MYO1G: variants seen among roughly 807,000 people sequenced by gnomAD.
MYO1G encodes the protein myosin IG.
MYO1G carries 65 observed loss-of-function variants against 115.3 expected under a neutral mutation model. The observed-to-expected ratio is 0.56, with a 90% CI of 0.46 to 0.69. The LOEUF is 0.69. Among genes scored for constraint, MYO1G ranks in the 30% least tolerant of loss-of-function variants. The probability of loss-of-function intolerance (pLI) is 0.00; values close to 1 mark genes in which losing one functional copy is unlikely to be tolerated. For missense variants in MYO1G, 1,204 were observed against 1,393.5 expected (o/e 0.86, Z 2.16); for synonymous variants, 510 against 552.6 (o/e 0.92, Z 1.08).
Position 44,969,318 on chromosome 7 carries a change from G to T in MYO1G, c.1574+95C>A. 1 of 1,250,720 alleles carries T rather than the reference G, an allele frequency of 8.0e-7. No homozygotes were observed. The highest frequency in any genetic ancestry group is 1.2e-6 in the Non-Finnish European group (1 of 852,422). The allele number at this position is 1,250,720 out of a possible 1,614,324, so 77.5% of individuals were successfully genotyped here. A position where few individuals can be genotyped will look rare whatever the true frequency, so the allele number is the denominator to read the frequency against. The stretch of plus-strand genomic sequence containing the variant: ...GGTGGCAGAAGTGGCCATAACACCT[G>T]TCTCCGAGCCACTCCCCTGAAGCGC... On this transcript the variant is annotated intron_variant, in intron 12 of 21. Transcript: ENST00000258787. The surrounding 1 kb of genome is among the most constrained non-coding windows in gnomAD (Gnocchi z 5.0).
rs1395763525 is a variant in MYO1G, at chr7:44,964,387, C to G, written c.2631+28G>C. The G allele has an allele frequency of 6.3e-7, 1 of 1,595,168 alleles. No homozygotes were observed. Among genetic ancestry groups the G allele is most frequent in the Non-Finnish European group, 8.6e-7 (1 of 1,163,028 alleles). ...ACGTGGCTAGAAAAAGAGCACAGCCCTGAAGCCATCCTTGTCCCTTGTCTA... is the reference window on the plus strand; with the variant it reads ...ACGTGGCTAGAAAAAGAGCACAGCCGTGAAGCCATCCTTGTCCCTTGTCTA... On this transcript the variant is annotated intron_variant, in intron 19 of 21. Coordinates refer to ENST00000258787, the MANE Select transcript of MYO1G (RefSeq NM_033054.3). The surrounding 1 kb of genome is among the most constrained non-coding windows in gnomAD (Gnocchi z 5.1).
intron 6 of MYO1G, 128 bp from the exon 7 acceptor site, chr7:44,971,917 T>A: frequency 1.3e-6 from 1 of 775,554 alleles, no homozygotes; most frequent in South Asian, 1.7e-5. Context: ...TGAACCTGAT[T>A]ACTCCAGCCT....
At chr7:44,965,207 A>G in intron 17 of MYO1G, 118 bp from the exon 18 acceptor site, 1 of 1,421,504 alleles carries the variant, frequency 7.0e-7, no homozygotes, top group South Asian at 1.4e-5. Flanking sequence ...TCATGTCCCA[A>G]CCTCTGCCGG....
rs367605242 is a variant in MYO1G, at chr7:44,975,441, G to A, written c.564+43C>T. 1.5e-3 allele frequency: 2,416 copies of A among 1,580,876 alleles called. 4 individuals are homozygous for A. Among genetic ancestry groups the A allele is most frequent in the Admixed American group, 2.9e-3 (169 of 58,236 alleles). The stretch of plus-strand genomic sequence containing the variant: ...CCTTCCCAGGCCTGGGATGGGTCTC[G>A]GCCAGGGCTCCCCATGGAGGTCTCC... On this transcript the variant is annotated intron_variant, in intron 4 of 21. Coordinates refer to ENST00000258787, the MANE Select transcript of MYO1G (RefSeq NM_033054.3).
chr7:44,975,001 T>TG, intron 5 of MYO1G, 173 bp downstream of exon 5: 1 of 709,220 alleles, frequency 1.4e-6, no homozygotes, highest in South Asian at 1.6e-5. Flanking sequence ...TTGTGGGGTG[T>TG]GGGGTACTGG....
In MYO1G at chr7:44,962,973, T is replaced by A; in HGVS notation, c.2897A>T (p.Gln966Leu). 1 of 1,532,622 alleles carries A rather than the reference T, an allele frequency of 6.5e-7. No homozygotes were observed. Among genetic ancestry groups the A allele is most frequent in the African/African-American group, 1.4e-5 (1 of 71,506 alleles). The allele number at this position is 1,532,622 out of a possible 1,614,324, so 94.9% of individuals were successfully genotyped here. A position where few individuals can be genotyped will look rare whatever the true frequency, so the allele number is the denominator to read the frequency against. ...ELVGVLAAHC[Q>L]GEGRTLEVRV... ...CTACCGCCCAGCCTGCACTCACCCC[T>A]GGCAGTGTGCGGCCAGCACGCCCAC... Residue 966 changes from glutamine (Q) to leucine (L), a missense_variant, in exon 21 of 22, where the codon CAG becomes CTG. Physicochemically the swap from Gln to Leu is moderately radical, Grantham distance 113. Coordinates refer to ENST00000258787, the MANE Select transcript of MYO1G (RefSeq NM_033054.3). This position sits in a 1 kb window ranked among gnomAD's most constrained non-coding sequence, Gnocchi z 5.3.
At position 44,975,161 on chromosome 7, in the gene MYO1G, C is replaced by T. The variant is rs1403775636; in HGVS notation, c.618+13G>A. On this transcript the variant is annotated intron_variant, in intron 5 of 21. Coordinates refer to ENST00000258787, the MANE Select transcript of MYO1G (RefSeq NM_033054.3). The stretch of plus-strand genomic sequence containing the variant: ...ACCCCATTTTTCCACCTCCCCTTGC[C>T]CTCAGGGCTTACTTGGTAGAAGGCG... The T allele has an allele frequency of 1.2e-6, 2 of 1,613,854 alleles. No homozygotes were observed. Among genetic ancestry groups the T allele is most frequent in the Non-Finnish European group, 1.7e-6 (2 of 1,179,964 alleles).
rs146196100 is a variant in MYO1G, at chr7:44,966,310, C to T, written c.1950-30G>A. ...CACCACAGGACAGGGCAGTGTGGCC[C>T]AGGCCTGGGGGAGAGATGATGGAGC... On this transcript the variant is annotated intron_variant, in intron 15 of 21. Coordinates refer to ENST00000258787, the MANE Select transcript of MYO1G (RefSeq NM_033054.3). The surrounding 1 kb of genome is among the most constrained non-coding windows in gnomAD (Gnocchi z 5.0). The T allele has an allele frequency of 2.4e-4, 373 of 1,560,278 alleles. 1 individual carries two copies. The African/African-American group carries it at 4.0e-3, about 17-fold the overall frequency.
chr7:44,975,931 C>T (rs1298744050), intron 3 of MYO1G, among the ~76,000 whole-genome samples: 1 of 152,250 alleles, frequency 6.6e-6, no homozygotes, highest in African/African-American at 2.4e-5. Flanking sequence ...CACCTCTTCC[C>T]CTCCCAGGCC....
In MYO1G at chr7:44,970,633, G is replaced by A. The variant is rs753948820; in HGVS notation, c.1176C>T (p.Gly392=). The change falls in exon 9 of 22, where the codon GGC becomes GGT. Residue 392 remains glycine, a synonymous_variant. Coordinates refer to ENST00000258787, the MANE Select transcript of MYO1G (RefSeq NM_033054.3). ...PRRDGKDTVI[G]VLDIYGFEVF... ...CCTCGAAGCCATAGATGTCCAGCAC[G>A]CCAATGACTGTGTCCTTGCCATCAC... 1.5e-5 allele frequency: 24 copies of A among 1,613,566 alleles called. No homozygotes were observed. The highest frequency in any genetic ancestry group is 1.6e-5 in the Non-Finnish European group (19 of 1,180,030).
In MYO1G at chr7:44,969,283, A is replaced by C; in HGVS notation, c.1574+130T>G. 1.2e-6 allele frequency: 1 copy of C among 807,082 alleles called. No homozygotes were observed. Among genetic ancestry groups the C allele is most frequent in the South Asian group, 1.4e-5 (1 of 70,236 alleles). The allele number at this position is 807,082 out of a possible 1,614,324, so 50.0% of individuals were successfully genotyped here. A position where few individuals can be genotyped will look rare whatever the true frequency, so the allele number is the denominator to read the frequency against. ...CTGTCCGGCATGTTTCAGTGTCTTAAAGGGGTGGGGGTGGCAGAAGTGGCC... is the reference window on the plus strand; with the variant it reads ...CTGTCCGGCATGTTTCAGTGTCTTACAGGGGTGGGGGTGGCAGAAGTGGCC... On this transcript the variant is annotated intron_variant, in intron 12 of 21. Coordinates refer to ENST00000258787, the MANE Select transcript of MYO1G (RefSeq NM_033054.3). This position sits in a 1 kb window ranked among gnomAD's most constrained non-coding sequence, Gnocchi z 5.0.
In MYO1G at chr7:44,967,875, C is replaced by T. The variant is rs776554166; in HGVS notation, c.1649+9G>A. 8.7e-6 allele frequency: 14 copies of T among 1,613,778 alleles called. No homozygotes were observed. Among genetic ancestry groups the T allele is most frequent in the African/African-American group, 5.3e-5 (4 of 74,948 alleles). On this transcript the variant is annotated intron_variant, in intron 13 of 21. Transcript: ENST00000258787. Reference sequence around the variant, plus strand: ...GCCCTCCCTATGGTGCCCAGCAAGCCGTGCTCACCTGTTGTACAGCAGCCG... The same window carrying T: ...GCCCTCCCTATGGTGCCCAGCAAGCTGTGCTCACCTGTTGTACAGCAGCCG...
chr7:44,975,456 T>G (rs1795031400), intron 4 of MYO1G, 28 bp downstream of exon 4: 14 of 1,592,352 alleles, frequency 8.8e-6, no homozygotes, highest in Non-Finnish European at 1.2e-5. Flanking sequence ...GGGCTCCCCA[T>G]GGAGGTCTCC....
chr7:44,965,741 G>C lies in MYO1G; in HGVS notation c.2277C>G (p.Phe759Leu), dbSNP rs1159086719. ...RAHLAELQRRFQAARQPPLYG... is the reference protein window; with the variant it reads ...RAHLAELQRRLQAARQPPLYG... ...AGAGTGGCGGCTGCCTTGCAGCCTG[G>C]AATCGCCGCTGCAGCTCAGCCAGGT... Residue 759 changes from phenylalanine (F) to leucine (L), a missense_variant, in exon 17 of 22, where the codon TTC becomes TTG. By Grantham distance (22) the Phe-to-Leu change is conservative. Coordinates refer to ENST00000258787, the MANE Select transcript of MYO1G (RefSeq NM_033054.3). 3 of 1,610,658 alleles carry C rather than the reference G, an allele frequency of 1.9e-6. No homozygotes were observed. In the Admixed American group the frequency reaches 5.0e-5, roughly 27 times the overall value.
intron 9 of MYO1G, 118 bp from the exon 10 acceptor site, chr7:44,970,272 C>G (rs957093669): frequency 1.3e-6 from 1 of 786,956 alleles, no homozygotes; most frequent in African/African-American, 1.7e-5. Flanking sequence ...GTGCCAGCAC[C>G]CTGTGTGGCT....
Position 44,975,138 on chromosome 7 carries a change from C to A in MYO1G, c.618+36G>T, listed in dbSNP as rs376040384. ...AGCTTGCTGCCCTCCCTTTCCCCAC[C>A]CCATTTTTCCACCTCCCCTTGCCCT... On this transcript the variant is annotated intron_variant, in intron 5 of 21. Transcript: ENST00000258787. 8 of 1,610,182 alleles carry A rather than the reference C, an allele frequency of 5.0e-6. No homozygotes were observed. In the South Asian group the frequency reaches 6.6e-5, roughly 13 times the overall value.
intron 4 of MYO1G, 60 bp downstream of exon 4, chr7:44,975,424 G>T: frequency 6.4e-7 from 1 of 1,572,630 alleles, no homozygotes. Context: ...TACCTTCCCA[G>T]GCCTGGGATG....
intron 17 of MYO1G, 110 bp from the exon 18 acceptor site, chr7:44,965,199 A>G: frequency 2.7e-6 from 4 of 1,460,706 alleles, no homozygotes; most frequent in East Asian, 4.7e-5. Flanking sequence ...CCTGCCTTTC[A>G]TGTCCCAACC....
At position 44,969,387 on chromosome 7, in the gene MYO1G, G is replaced by C. The variant is rs757827656; in HGVS notation, c.1574+26C>G. ...GCCATGGTGCCTGTGGGAAAGCCAG[G>C]GATGTGGGTGGGAGGGGGCCCTTAC... On this transcript the variant is annotated intron_variant, in intron 12 of 21. Transcript: ENST00000258787. This position sits in a 1 kb window ranked among gnomAD's most constrained non-coding sequence, Gnocchi z 5.0. 6.2e-7 allele frequency: 1 copy of C among 1,612,220 alleles called. No homozygotes were observed. Among genetic ancestry groups the C allele is most frequent in the South Asian group, 1.1e-5 (1 of 91,050 alleles).
Sources: gnomAD v4.1 joint callset for allele counts (sites outside exome capture counted in the v4.1 genomes callset) on GRCh38, gnomAD v4.1.1 for gene constraint, Gnocchi (gnomAD v3.1) non-coding constraint, MANE v1.5 for transcripts, NCBI Gene and HGNC (gene_info 2026-07-23, HGNC 2026-07-21) for gene names.